The following RSRC1 variants were observed in gnomAD, a reference collection of about 807,000 sequenced individuals.
RSRC1 encodes the protein arginine and serine rich coiled-coil 1.
In RSRC1, 39 loss-of-function variants were observed where a neutral mutation model predicts 49.1. The ratio of observed to expected loss-of-function variants is 0.79; its 90% confidence interval spans 0.61 to 1.04. The LOEUF (loss-of-function observed/expected upper bound fraction) is 1.04. Ranked by LOEUF, RSRC1 falls within the 50% of genes least tolerant of loss-of-function variation. The pLI, the probability that RSRC1 is intolerant of heterozygous loss-of-function variation, is 0.00. For synonymous variants in RSRC1, 143 were observed against 130.8 expected (o/e 1.09, Z -0.63); for missense variants, 388 against 402.4 (o/e 0.96, Z 0.31).
chr3:158,118,462 T>TGTGTGTGTGTGTGTGTGTGCGCGCGCGC (rs1491469875), intron 1 of RSRC1, among the ~76,000 whole-genome samples: 1 of 124,682 alleles, frequency 8.0e-6, no homozygotes, highest in African/African-American at 3.3e-5. Flanking sequence ...TGTGTGTGTG[T>TGTGTGTGTGTGTGTGTGTGCGCGCGCGC]GCGCGTGCGC....
At chr3:158,322,371 A>G (rs1300504535) in intron 5 of RSRC1, among the ~76,000 whole-genome samples, 1 of 152,202 alleles carries the variant, frequency 6.6e-6, no homozygotes, top group Non-Finnish European at 1.5e-5. Context: ...GGCTGGGATT[A>G]CAGGTGTGAG....
chr3:158,219,239 A>G (rs1461228905), intron 4 of RSRC1, among the ~76,000 whole-genome samples: 1 of 151,584 alleles, frequency 6.6e-6, no homozygotes, highest in East Asian at 1.9e-4. Context: ...CACAGAAAAT[A>G]CCTTCTGGAA....
At chr3:158,240,102 T>C (rs569837085) in intron 4 of RSRC1, among the ~76,000 whole-genome samples, 1 of 152,184 alleles carries the variant, frequency 6.6e-6, no homozygotes, top group Non-Finnish European at 1.5e-5. Context: ...TTTTAAAATA[T>C]CTTTATAAAA....
intron 5 of RSRC1, among the ~76,000 whole-genome samples, chr3:158,326,222 C>T (rs62289487): frequency 2.6e-5 from 4 of 152,168 alleles, no homozygotes; most frequent in East Asian, 1.9e-4. Flanking sequence ...ACCCTTTATT[C>T]CTTTCTCCTG....
At chr3:158,516,250 G>A (rs12492487) in intron 7 of RSRC1, among the ~76,000 whole-genome samples, 45,631 of 150,402 alleles carry the variant, frequency 0.3, 6,868 homozygotes, top group South Asian at 0.4. Flanking sequence ...GGTCTTTGAT[G>A]ATGGTGATGT....
At position 158,284,106 on chromosome 3, in the gene RSRC1, T is replaced by C. The variant is rs191106891; in HGVS notation, c.495-13933T>C. Among the ~76,000 whole-genome samples, 923 of 147,942 alleles carry C rather than the reference T, an allele frequency of 6.2e-3. 33 individuals carry two copies. The East Asian group carries it at 0.096, about 15-fold the overall frequency. On this transcript the variant is annotated intron_variant, in intron 4 of 9. Coordinates refer to ENST00000611884, the MANE Select transcript of RSRC1 (RefSeq NM_001271838.2). ...CCCTTCCTGTGTTCATGTGTTCTCA[T>C]TGTTCAATTCCCACCTATGAGTGAG...
At chr3:158,308,820 A>G (rs927342398) in intron 5 of RSRC1, among the ~76,000 whole-genome samples, 56 of 152,002 alleles carry the variant, frequency 3.7e-4, no homozygotes, top group African/African-American at 1.3e-3. Context: ...AGTGAATTTC[A>G]TTTTCGCAGA....
At chr3:158,180,588 G>A (rs1450962177) in intron 3 of RSRC1, among the ~76,000 whole-genome samples, 1 of 150,896 alleles carries the variant, frequency 6.6e-6, no homozygotes, top group Non-Finnish European at 1.5e-5. Context: ...TCACTCTCCC[G>A]AGTAGCTGGG....
intron 6 of RSRC1, among the ~76,000 whole-genome samples, chr3:158,424,714 C>T (rs1444879651): frequency 4.6e-5 from 7 of 151,740 alleles, no homozygotes; most frequent in African/African-American, 7.2e-5. Flanking sequence ...GGTCCTGGAC[C>T]CTTTTTGGTG....
intron 3 of RSRC1, among the ~76,000 whole-genome samples, chr3:158,183,457 C>T (rs978036713): frequency 1.2e-4 from 18 of 151,506 alleles, no homozygotes; most frequent in Non-Finnish European, 4.4e-5. Context: ...ATAGGTTATT[C>T]ATTGTAAAAT....
chr3:158,323,685 T>C (rs4358259), intron 5 of RSRC1, among the ~76,000 whole-genome samples: 1 of 152,212 alleles, frequency 6.6e-6, no homozygotes, highest in African/African-American at 2.4e-5. Context: ...TTGCTGTTCT[T>C]ACTAGATAAA....
chr3:158,479,384 G>A (rs755557633), intron 7 of RSRC1, among the ~76,000 whole-genome samples: 4 of 151,664 alleles, frequency 2.6e-5, no homozygotes, highest in East Asian at 1.9e-4. Context: ...CCATAGATTG[G>A]AATTTGCGAA....
intron 6 of RSRC1, among the ~76,000 whole-genome samples, chr3:158,435,955 A>G (rs943469877): frequency 6.6e-6 from 1 of 151,842 alleles, no homozygotes; most frequent in Non-Finnish European, 1.5e-5. Flanking sequence ...GTACTAATTA[A>G]TGTAATTTTT....
At chr3:158,127,866 C>T (rs1403764132) in intron 3 of RSRC1, among the ~76,000 whole-genome samples, 1 of 149,718 alleles carries the variant, frequency 6.7e-6, no homozygotes, top group Admixed American at 6.7e-5. Flanking sequence ...CACCAACCAG[C>T]TTTTTTCAAT....
At chr3:158,391,171 AC>A (rs1353093005) in intron 6 of RSRC1, among the ~76,000 whole-genome samples, 2 of 151,610 alleles carry the variant, frequency 1.3e-5, no homozygotes, top group Non-Finnish European at 2.9e-5. Flanking sequence ...CCACACCCCC[AC>A]CCTGGGGTTC....
intron 7 of RSRC1, among the ~76,000 whole-genome samples, chr3:158,468,660 G>A (rs1344911534): frequency 1.3e-5 from 2 of 152,064 alleles, no homozygotes; most frequent in Non-Finnish European, 2.9e-5. Flanking sequence ...ATGCCTGACA[G>A]GTATTAGGTA....
intron 6 of RSRC1, among the ~76,000 whole-genome samples, chr3:158,377,319 C>T (rs1480750442): frequency 1.3e-5 from 2 of 151,988 alleles, no homozygotes; most frequent in African/African-American, 2.4e-5. Context: ...GATGTGTGTC[C>T]CCTCCAAATT....
chr3:158,476,975 C>G (rs933796270), intron 7 of RSRC1, among the ~76,000 whole-genome samples: 4 of 152,106 alleles, frequency 2.6e-5, no homozygotes, highest in South Asian at 2.1e-4. Context: ...GCCTCCAACC[C>G]TCATGGATAA....
chr3:158,505,903 A>G (rs1739838872), intron 7 of RSRC1, among the ~76,000 whole-genome samples: 1 of 152,142 alleles, frequency 6.6e-6, no homozygotes, highest in African/African-American at 2.4e-5. Flanking sequence ...CAAGTGATTC[A>G]TGTAGGAAAA....
Sources: gnomAD v4.1 joint callset for allele counts (sites outside exome capture counted in the v4.1 genomes callset) on GRCh38, gnomAD v4.1.1 for gene constraint, MANE v1.5 for transcripts, NCBI Gene and HGNC (gene_info 2026-07-23, HGNC 2026-07-21) for gene names.